PIK3AP1: variants seen among roughly 807,000 people sequenced by gnomAD.
PIK3AP1 encodes phosphoinositide 3-kinase adapter protein 1.
PIK3AP1 carries 21 observed loss-of-function variants against 88.1 expected under a neutral mutation model. The observed-to-expected ratio is 0.24, with a 90% CI of 0.17 to 0.34. The LOEUF (loss-of-function observed/expected upper bound fraction) is 0.34, where lower values mean the gene tolerates loss of function less well. Ranked by LOEUF, PIK3AP1 falls within the 10% of genes least tolerant of loss-of-function variation. PIK3AP1 has a pLI of 1.00. For missense variants in PIK3AP1, 828 were observed against 1,035.7 expected, an observed-to-expected ratio of 0.80 and a Z score of 2.75; for synonymous variants, 398 against 400.0, an observed-to-expected ratio of 1.00 and a Z score of 0.06.
At position 96,666,194 on chromosome 10, in the gene PIK3AP1, A is replaced by C. The variant is rs1460363621; in HGVS notation, c.431-9260T>G. On this transcript the variant is annotated intron_variant, in intron 2 of 16. Coordinates refer to ENST00000339364, the MANE Select transcript of PIK3AP1 (RefSeq NM_152309.3). ...CAGCACTTTGGGAGGCCGAGGCGGG[A>C]GGATCACAAGGTCAGGAGATCGAGA... Among the ~76,000 whole-genome samples, 6 of 152,094 alleles carry C rather than the reference A, an allele frequency of 3.9e-5. No homozygotes were observed. In the East Asian group the frequency reaches 1.2e-3, roughly 29 times the overall value.
intron 1 of PIK3AP1, among the ~76,000 whole-genome samples, chr10:96,716,022 T>C (rs1589554449): frequency 6.6e-6 from 1 of 152,180 alleles, no homozygotes; most frequent in Non-Finnish European, 1.5e-5. Flanking sequence ...GGCTCACATC[T>C]GTAATACCAG....
intron 2 of PIK3AP1, among the ~76,000 whole-genome samples, chr10:96,681,141 TG>T (rs1843993884): frequency 6.6e-6 from 1 of 152,204 alleles, no homozygotes; most frequent in Admixed American, 6.5e-5. Context: ...TGCAGATGGC[TG>T]GCTTCTCACT....
chr10:96,622,346 G>A (rs185066972), intron 11 of PIK3AP1, among the ~76,000 whole-genome samples: 8 of 152,272 alleles, frequency 5.3e-5, no homozygotes, highest in South Asian at 2.1e-4. Flanking sequence ...TGAGCTACTC[G>A]CAGCGACCAT....
chr10:96,630,158 A>C (rs563921170), intron 8 of PIK3AP1, among the ~76,000 whole-genome samples: 14 of 152,262 alleles, frequency 9.2e-5, no homozygotes, highest in Admixed American at 7.2e-4. Flanking sequence ...CTTATTATCC[A>C]AAAAACACAC....
intron 2 of PIK3AP1, among the ~76,000 whole-genome samples, chr10:96,675,693 A>C (rs1843908478): frequency 6.6e-6 from 1 of 152,190 alleles, no homozygotes; most frequent in Non-Finnish European, 1.5e-5. Context: ...CATTTTCCTT[A>C]TTTATAAAAT....
At chr10:96,711,090 A>C (rs1844431904) in intron 1 of PIK3AP1, among the ~76,000 whole-genome samples, 1 of 152,222 alleles carries the variant, frequency 6.6e-6, no homozygotes, top group South Asian at 2.1e-4. Flanking sequence ...AGAGTCAAAA[A>C]GGGCTTTTAG....
At chr10:96,602,503 T>C in intron 15 of PIK3AP1, 105 bp from the exon 16 acceptor site, 3 of 954,356 alleles carry the variant, frequency 3.1e-6, no homozygotes, top group Non-Finnish European at 4.8e-6. Context: ...AGGCTGGGGC[T>C]GAAGGTTGTT....
intron 11 of PIK3AP1, among the ~76,000 whole-genome samples, chr10:96,623,139 T>C (rs1331798035): frequency 6.6e-6 from 1 of 152,160 alleles, no homozygotes; most frequent in Non-Finnish European, 1.5e-5. Context: ...CCCTTTACCA[T>C]CAGTACAAGA....
chr10:96,662,376 TG>T (rs1331747105), intron 2 of PIK3AP1, among the ~76,000 whole-genome samples: 1 of 150,300 alleles, frequency 6.7e-6, no homozygotes, highest in African/African-American at 2.5e-5. Flanking sequence ...CCAAGGCGGG[TG>T]GATCACCTGA....
In PIK3AP1 at chr10:96,595,617, G is replaced by A. The variant is rs140404891; in HGVS notation, c.2378C>T (p.Thr793Ile). 13 of 1,613,256 alleles carry A rather than the reference G, an allele frequency of 8.1e-6. No individual in the cohort carries two copies. The highest frequency in any genetic ancestry group is 1.1e-5 in the Non-Finnish European group (13 of 1,179,698). Residue 793 changes from threonine to isoleucine, a missense_variant, in exon 17 of 17, where the codon ACC (threonine) becomes ATC (isoleucine). Thr to Ile is a moderately conservative substitution (Grantham distance 89, BLOSUM62 -1). Coordinates refer to ENST00000339364, the MANE Select transcript of PIK3AP1 (RefSeq NM_152309.3). ...AASQRPPTRE[T>I]FHPPPPVPPR... ...TGGAACAGGTGGAGGAGGATGGAAG[G>A]TCTCCCTGGTCGGAGGCCTAAAATG... is the stretch of plus-strand genomic sequence containing the variant.
intron 2 of PIK3AP1, among the ~76,000 whole-genome samples, chr10:96,681,332 C>A (rs1843996824): frequency 6.6e-6 from 1 of 152,160 alleles, no homozygotes; most frequent in Non-Finnish European, 1.5e-5. Context: ...AAGGTTAGGA[C>A]TTCCAAATAT....
chr10:96,669,569 T>C (rs1205705125), intron 2 of PIK3AP1: 1 of 152,116 alleles, frequency 6.6e-6, no homozygotes, highest in Non-Finnish European at 1.5e-5. Flanking sequence ...GTCGGGAGGA[T>C]TGCTTGAGCT....
chr10:96,603,579 C>T (rs1297029882), intron 15 of PIK3AP1, among the ~76,000 whole-genome samples: 1 of 152,018 alleles, frequency 6.6e-6, no homozygotes, highest in Non-Finnish European at 1.5e-5. Context: ...CCAAGTTCTC[C>T]AGTTTTGGGG....
At chr10:96,640,035 G>A (rs1843363272) in intron 8 of PIK3AP1, among the ~76,000 whole-genome samples, 1 of 152,176 alleles carries the variant, frequency 6.6e-6, no homozygotes, top group Non-Finnish European at 1.5e-5. Context: ...CTGTTACAAA[G>A]ATGCCAGTTA....
chr10:96,716,606 A>G (rs2134297833), intron 1 of PIK3AP1, among the ~76,000 whole-genome samples: 1 of 152,366 alleles, frequency 6.6e-6, no homozygotes, highest in East Asian at 1.9e-4. Flanking sequence ...GTGCTGGGTA[A>G]CAATATAGGA....
chr10:96,639,874 A>C (rs1468573803), intron 8 of PIK3AP1, among the ~76,000 whole-genome samples: 1 of 152,226 alleles, frequency 6.6e-6, no homozygotes, highest in East Asian at 1.9e-4. Context: ...TTTTGCATAC[A>C]AATTGTCCTT....
intron 8 of PIK3AP1, among the ~76,000 whole-genome samples, chr10:96,631,377 G>C (rs929474548): frequency 5.3e-5 from 8 of 152,048 alleles, no homozygotes; most frequent in African/African-American, 1.5e-4. Flanking sequence ...CGTTCAATTT[G>C]AGAGAGTTGA....
rs1844413055 is a variant in PIK3AP1, at chr10:96,709,722, A to C, written c.275T>G (p.Phe92Cys). The change falls in exon 2 of 17, where the codon TTC (phenylalanine) becomes TGC (cysteine). Residue 92 changes from phenylalanine to cysteine, a missense_variant. By Grantham distance (205) the Phe-to-Cys change is radical (BLOSUM62 -2). Around this residue, in one of 3 missense-constraint regions of PIK3AP1, gnomAD observed 610 missense variants for 760.1 expected, o/e 0.80. Transcript: ENST00000339364. Reference protein sequence around the residue: ...PALLPLLQRAFHPPHRVVRLL... With the variant: ...PALLPLLQRACHPPHRVVRLL... ...CCTGACCACGCGGTGCGGAGGATGGAAAGCTCTCTGCAGCAGGGGCAGCAA... is the reference window on the plus strand; with the variant it reads ...CCTGACCACGCGGTGCGGAGGATGGCAAGCTCTCTGCAGCAGGGGCAGCAA... 1.2e-6 allele frequency: 2 copies of C among 1,614,174 alleles called. No homozygotes were observed. The highest frequency in any genetic ancestry group is 2.7e-5 in the African/African-American group (2 of 75,060).
chr10:96,639,729 C>T (rs1184268807), intron 8 of PIK3AP1, among the ~76,000 whole-genome samples: 4 of 152,216 alleles, frequency 2.6e-5, no homozygotes, highest in Non-Finnish European at 5.9e-5. Flanking sequence ...CTTGGCTCTA[C>T]TCGCCAGAAT....
Sources: allele counts gnomAD v4.1 joint callset (sites outside exome capture counted in the v4.1 genomes callset), GRCh38; gene constraint gnomAD v4.1.1; regional missense constraint gnomAD v4.1.1; transcripts MANE v1.5; gene names NCBI Gene and HGNC (gene_info 2026-07-23, HGNC 2026-07-21).